The following PACS1 variants were observed in gnomAD, a reference collection of about 807,000 sequenced individuals.
PACS1 encodes the protein phosphofurin acidic cluster sorting protein 1.
A neutral mutation model predicts 115.0 loss-of-function variants in PACS1; 24 were observed. The ratio of observed to expected loss-of-function variants is 0.21; its 90% CI spans 0.15 to 0.29. The LOEUF is 0.29. Among genes scored for constraint, PACS1 ranks in the 10% least tolerant of loss-of-function variants. The pLI, the probability that PACS1 is intolerant of heterozygous loss-of-function variation, is 1.00. For missense variants in PACS1, 838 were observed against 1,251.2 expected (o/e 0.67, Z 4.98); for synonymous variants, 453 against 504.5 (o/e 0.90, Z 1.37).
chr11:66,102,182 G>T (rs1235953573), intron 1 of PACS1, among the ~76,000 whole-genome samples: 1 of 152,020 alleles, frequency 6.6e-6, no homozygotes, highest in African/African-American at 2.4e-5. Context: ...GCTGAAGAAG[G>T]ATTTATTTGC....
At chr11:66,211,841 C>T (rs188295776) in intron 4 of PACS1, among the ~76,000 whole-genome samples, 1 of 152,334 alleles carries the variant, frequency 6.6e-6, no homozygotes, top group African/African-American at 2.4e-5. Flanking sequence ...GGCCTGGGAT[C>T]CGATCTAGGA....
intron 1 of PACS1, among the ~76,000 whole-genome samples, chr11:66,080,508 G>A (rs577289537): frequency 6.6e-6 from 1 of 152,322 alleles, no homozygotes; most frequent in African/African-American, 2.4e-5. Flanking sequence ...GATGACCAGA[G>A]CATTTACTGT....
intron 1 of PACS1, among the ~76,000 whole-genome samples, chr11:66,082,874 T>C (rs914135834): frequency 6.6e-6 from 1 of 152,216 alleles, no homozygotes; most frequent in South Asian, 2.1e-4. Flanking sequence ...TAAAATAAAA[T>C]GTCTGAGCAT....
chr11:66,221,507 G>A lies in PACS1; in HGVS notation c.1293+260G>A, dbSNP rs145399528. On this transcript the variant is annotated intron_variant, in intron 10 of 23. Coordinates refer to ENST00000320580, the MANE Select transcript of PACS1 (RefSeq NM_018026.4). ...CTAAAAATACAAAAATTACCTGGGCGTGATGGTGTGCACCTGTAGTCCCAG... is the reference window on the plus strand; with the variant it reads ...CTAAAAATACAAAAATTACCTGGGCATGATGGTGTGCACCTGTAGTCCCAG... The A allele has an allele frequency of 4.1e-3, 1,872 of 451,962 alleles. 7 individuals are homozygous for A. The highest frequency in any genetic ancestry group is 6.3e-3 in the Non-Finnish European group (1,535 of 244,346). 28.0% of individuals were successfully genotyped at this position (451,962 alleles called of 1,614,324 possible). A position where few individuals can be genotyped will look rare whatever the true frequency, so the allele number is the denominator to read the frequency against.
rs1358736198 is a variant in PACS1 at position 66,243,571 on chromosome 11, C to A, written c.*291C>A. On this transcript the variant is annotated 3_prime_UTR_variant, in exon 24 of 24. Coordinates refer to ENST00000320580, the MANE Select transcript of PACS1 (RefSeq NM_018026.4). ...GTGCCCATAGTCCCCTGGACTGAGT[C>A]CCCCAGGCCTTCCTTCACCCGACTT... 2.7e-6 allele frequency: 1 copy of A among 366,500 alleles called. No homozygotes were observed. The highest frequency in any genetic ancestry group is 5.0e-6 in the Non-Finnish European group (1 of 198,248). The allele number at this position is 366,500 out of a possible 1,614,324, so 22.7% of individuals were successfully genotyped here.
At chr11:66,091,963 A>G (rs1187741319) in intron 1 of PACS1, among the ~76,000 whole-genome samples, 2 of 151,936 alleles carry the variant, frequency 1.3e-5, no homozygotes, top group Non-Finnish European at 2.9e-5. Context: ...GCTATTGTGA[A>G]TAGTGCTGCA....
At chr11:66,091,692 C>T (rs1431890589) in intron 1 of PACS1, among the ~76,000 whole-genome samples, 1 of 151,164 alleles carries the variant, frequency 6.6e-6, no homozygotes, top group Non-Finnish European at 1.5e-5. Context: ...CCACAACAGT[C>T]CCCAGAGTGT....
In PACS1 at chr11:66,233,688, G is replaced by T. The variant is rs969451087; in HGVS notation, c.1839-97G>T. 4 of 1,209,308 alleles carry T rather than the reference G, an allele frequency of 3.3e-6. No individual in the cohort carries two copies. The highest frequency in any genetic ancestry group is 1.5e-5 in the South Asian group (1 of 67,536). 74.9% of individuals were successfully genotyped at this position (1,209,308 alleles called of 1,614,324 possible). A position where few individuals can be genotyped will look rare whatever the true frequency, so the allele number is the denominator to read the frequency against. On this transcript the variant is annotated intron_variant, in intron 15 of 23. Coordinates refer to ENST00000320580, the MANE Select transcript of PACS1 (RefSeq NM_018026.4). This position sits in a 1 kb window ranked among gnomAD's most constrained non-coding sequence, Gnocchi z 4.5. Reference sequence around the variant, plus strand: ...TTGTGGATTGGTTTGCTTTTCCCCTGTGGGTTGTTGAGATCACAGAAAGTC... The same window carrying T: ...TTGTGGATTGGTTTGCTTTTCCCCTTTGGGTTGTTGAGATCACAGAAAGTC...
intron 1 of PACS1, among the ~76,000 whole-genome samples, chr11:66,156,669 A>G (rs1859369422): frequency 6.6e-6 from 1 of 152,084 alleles, no homozygotes; most frequent in African/African-American, 2.4e-5. Flanking sequence ...CCTGGCTAAC[A>G]CGGTGAAACC....
At chr11:66,107,424 T>G (rs2134540255) in intron 1 of PACS1, among the ~76,000 whole-genome samples, 1 of 152,316 alleles carries the variant, frequency 6.6e-6, no homozygotes, top group East Asian at 1.9e-4. Context: ...CACTATATCC[T>G]TTTCCTGTAT....
At chr11:66,108,701 G>T (rs1005715379) in intron 1 of PACS1, among the ~76,000 whole-genome samples, 1 of 152,152 alleles carries the variant, frequency 6.6e-6, no homozygotes, top group Non-Finnish European at 1.5e-5. Flanking sequence ...GGTAATTGAG[G>T]CTGCAGTGAG....
chr11:66,093,232 G>A (rs376532986), intron 1 of PACS1, among the ~76,000 whole-genome samples: 9 of 152,000 alleles, frequency 5.9e-5, no homozygotes, highest in South Asian at 2.1e-4. Flanking sequence ...GGTCCTTCAC[G>A]TCCCGTGTAA....
At chr11:66,098,492 A>T (rs1857836364) in intron 1 of PACS1, among the ~76,000 whole-genome samples, 1 of 152,216 alleles carries the variant, frequency 6.6e-6, no homozygotes, top group African/African-American at 2.4e-5. Context: ...CATGTTATGC[A>T]CATGCTATCC....
At chr11:66,206,598 G>C (rs988477744) in intron 2 of PACS1, among the ~76,000 whole-genome samples, 1 of 152,232 alleles carries the variant, frequency 6.6e-6, no homozygotes, top group Admixed American at 6.5e-5. Context: ...GCACATACTT[G>C]GGTGGTGAGA....
intron 1 of PACS1, among the ~76,000 whole-genome samples, chr11:66,084,460 G>A (rs1414497989): frequency 1.3e-5 from 2 of 152,180 alleles, no homozygotes; most frequent in Non-Finnish European, 2.9e-5. Context: ...CCAGCGAGGA[G>A]GCATGATGGT....
intron 1 of PACS1, among the ~76,000 whole-genome samples, chr11:66,074,403 A>G (rs906508943): frequency 6.6e-5 from 10 of 152,264 alleles, no homozygotes; most frequent in Admixed American, 1.3e-4. Context: ...TGTTAAAGGA[A>G]GGGTGTTAGA....
intron 1 of PACS1, among the ~76,000 whole-genome samples, chr11:66,085,773 G>A (rs1857555529): frequency 6.6e-6 from 1 of 152,136 alleles, no homozygotes; most frequent in Admixed American, 6.5e-5. Flanking sequence ...AGTCTTAACT[G>A]TAATATGAAA....
At position 66,070,457 on chromosome 11, in the gene PACS1, C is replaced by T. The variant is rs149876307; in HGVS notation, c.-30C>T. 28 of 1,214,090 alleles carry T rather than the reference C, an allele frequency of 2.3e-5. No individual in the cohort carries two copies. Among genetic ancestry groups the T allele is most frequent in the Admixed American group, 4.4e-5 (1 of 22,924 alleles). The allele number at this position is 1,214,090 out of a possible 1,614,324, so 75.2% of individuals were successfully genotyped here. On this transcript the variant is annotated 5_prime_UTR_variant, in exon 1 of 24. Transcript: ENST00000320580. This position sits in a 1 kb window ranked among gnomAD's most constrained non-coding sequence, Gnocchi z 5.9. ...CCTGGGAGCCAGATCGGCGTCGCCT[C>T]GGCCTCCGTAACCCCCGCCTAGCCG...
At position 66,235,996 on chromosome 11, in the gene PACS1, C is replaced by A. The variant is rs1392814180; in HGVS notation, c.2250+56C>A. ...CACCCGTTCTCCTGGTCTTCCTGTTCCCCCTTACACAGGAAAACAAAAGAT... is the reference window on the plus strand; with the variant it reads ...CACCCGTTCTCCTGGTCTTCCTGTTACCCCTTACACAGGAAAACAAAAGAT... On this transcript the variant is annotated intron_variant, in intron 19 of 23. Coordinates refer to ENST00000320580, the MANE Select transcript of PACS1 (RefSeq NM_018026.4). The surrounding 1 kb of genome is among the most constrained non-coding windows in gnomAD (Gnocchi z 5.6). 6.8e-7 allele frequency: 1 copy of A among 1,464,170 alleles called. No homozygotes were observed. The highest frequency in any genetic ancestry group is 2.3e-5 in the East Asian group (1 of 44,194). The allele number at this position is 1,464,170 out of a possible 1,614,324, so 90.7% of individuals were successfully genotyped here.
Sources: allele counts gnomAD v4.1 joint callset (sites outside exome capture counted in the v4.1 genomes callset), GRCh38; gene constraint gnomAD v4.1.1; non-coding constraint Gnocchi (gnomAD v3.1); transcripts MANE v1.5; gene names NCBI Gene and HGNC (gene_info 2026-07-23, HGNC 2026-07-21).